UNC13C: variants seen among roughly 807,000 people sequenced by gnomAD.
UNC13C encodes protein unc-13 homolog C.
A neutral mutation model predicts 245.4 loss-of-function variants in UNC13C; 174 were observed. The ratio of observed to expected loss-of-function variants is 0.71; its 90% CI spans 0.63 to 0.80. The LOEUF (loss-of-function observed/expected upper bound fraction) is 0.80. UNC13C is among the 30% of genes least tolerant of loss of function. The pLI, the probability that UNC13C is intolerant of heterozygous loss-of-function variation, is 0.00. For synonymous variants in UNC13C, 992 were observed against 895.1 expected (o/e 1.11, Z -1.93); for missense variants, 2,829 against 2,602.9 (o/e 1.09, Z -1.89).
At chr15:53,937,581 A>T in the UNC13C span, among the ~76,000 whole-genome samples, 5 of 152,162 alleles carry the variant, frequency 3.3e-5, no homozygotes, top group African/African-American at 4.8e-5. Context: ...ACACATAATC[A>T]TCAGGTTCTC....
intron 7 of UNC13C, among the ~76,000 whole-genome samples, chr15:54,242,018 G>A (rs2140845819): frequency 6.6e-6 from 1 of 152,314 alleles, no homozygotes; most frequent in Non-Finnish European, 1.5e-5. Flanking sequence ...CCTAGGGCAA[G>A]TTATGGAAAC....
intron 2 of UNC13C, chr15:54,049,453 A>G: frequency 2.3e-6 from 1 of 435,924 alleles, no homozygotes; most frequent in Non-Finnish European, 4.6e-6. Flanking sequence ...ATAACATTGA[A>G]GAGACATTGA....
intron 7 of UNC13C, 36 bp downstream of exon 7, chr15:54,237,726 A>G (rs1567125041): frequency 1.3e-6 from 2 of 1,485,740 alleles, no homozygotes; most frequent in Admixed American, 1.8e-5. Context: ...ATCTAACTAG[A>G]TATTGCTCAT....
intron 8 of UNC13C, among the ~76,000 whole-genome samples, chr15:54,259,326 C>T (rs760443234): frequency 5.3e-5 from 8 of 152,178 alleles, no homozygotes; most frequent in Non-Finnish European, 1.0e-4. Flanking sequence ...TAAAGACATA[C>T]CCAAGACAGG....
intron 17 of UNC13C, among the ~76,000 whole-genome samples, chr15:54,386,687 G>T (rs2039844542): frequency 6.6e-6 from 1 of 152,142 alleles, no homozygotes; most frequent in South Asian, 2.1e-4. Context: ...ATCAGATATG[G>T]TCTAGACATT....
intron 24 of UNC13C, among the ~76,000 whole-genome samples, chr15:54,523,354 T>C (rs1895309870): frequency 6.6e-6 from 1 of 152,216 alleles, no homozygotes; most frequent in South Asian, 2.1e-4. Flanking sequence ...TCAGATCATG[T>C]AAACGTTAAA....
chr15:54,131,798 T>C (rs1310343846), intron 2 of UNC13C, among the ~76,000 whole-genome samples: 1 of 152,324 alleles, frequency 6.6e-6, no homozygotes, highest in East Asian at 1.9e-4. Flanking sequence ...CTTTCATTTC[T>C]TGCAATTGTT....
chr15:54,127,760 A>ATATTTAAATATTAAATATTTAATT, intron 2 of UNC13C, among the ~76,000 whole-genome samples: 1 of 145,804 alleles, frequency 6.9e-6, no homozygotes. Flanking sequence ...ATATATATTT[A>ATATTTAAATATTAAATATTTAATT]TGTATAATAT....
At chr15:53,947,114 G>A in the UNC13C span, among the ~76,000 whole-genome samples, 1 of 152,090 alleles carries the variant, frequency 6.6e-6, no homozygotes, top group Non-Finnish European at 1.5e-5. Flanking sequence ...TCAAACCTAT[G>A]GTGATGACTT....
intron 4 of UNC13C, among the ~76,000 whole-genome samples, chr15:54,155,464 G>A (rs766177509): frequency 4.6e-5 from 7 of 152,044 alleles, no homozygotes; most frequent in East Asian, 3.9e-4. Context: ...TAAGAGGAGC[G>A]AGTGACTGAG....
At chr15:53,949,759 T>G in the UNC13C span, among the ~76,000 whole-genome samples, 141,267 of 152,194 alleles carry the variant, frequency 0.93, 65,971 homozygotes, top group Middle Eastern at 0.98. Flanking sequence ...CAGACAGAAT[T>G]AATCAGATTT....
At chr15:54,561,160 A>G (rs1048207282) in intron 29 of UNC13C, among the ~76,000 whole-genome samples, 1 of 151,912 alleles carries the variant, frequency 6.6e-6, no homozygotes, top group African/African-American at 2.4e-5. Context: ...CTTTTTCCCT[A>G]TAAGAGCACA....
intron 17 of UNC13C, among the ~76,000 whole-genome samples, chr15:54,344,136 A>T: frequency 6.6e-6 from 1 of 152,198 alleles, no homozygotes; most frequent in East Asian, 1.9e-4. Flanking sequence ...GAAGAGTTTG[A>T]TCAAAGTTTG....
chr15:54,627,392 C>A lies in UNC13C; in HGVS notation c.*279C>A. 1 of 246,240 alleles carries A rather than the reference C, an allele frequency of 4.1e-6. No homozygotes were observed. Among genetic ancestry groups the A allele is most frequent in the African/African-American group, 2.2e-5 (1 of 44,970 alleles). 15.3% of individuals were successfully genotyped at this position (246,240 alleles called of 1,614,324 possible). A position where few individuals can be genotyped will look rare whatever the true frequency, so the allele number is the denominator to read the frequency against. ...CTTTACCCATTTCACATTCATTAAACATAATTTTTAAAAACTAGTCTTTTG... is the reference window on the plus strand; with the variant it reads ...CTTTACCCATTTCACATTCATTAAAAATAATTTTTAAAAACTAGTCTTTTG... On this transcript the variant is annotated 3_prime_UTR_variant, in exon 33 of 33. Transcript: ENST00000260323.
intron 10 of UNC13C, among the ~76,000 whole-genome samples, chr15:54,272,425 G>A (rs2036710724): frequency 1.3e-5 from 2 of 152,256 alleles, no homozygotes; most frequent in South Asian, 4.2e-4. Flanking sequence ...ACATAATCAT[G>A]CATCTGATTT....
intron 19 of UNC13C, among the ~76,000 whole-genome samples, chr15:54,486,907 T>C (rs1893443913): frequency 6.6e-6 from 1 of 152,212 alleles, no homozygotes; most frequent in Non-Finnish European, 1.5e-5. Flanking sequence ...GGAGTGACTC[T>C]TCCTCTAAAC....
At chr15:54,388,575 A>T (rs527949) in intron 17 of UNC13C, among the ~76,000 whole-genome samples, 81,426 of 151,976 alleles carry the variant, frequency 0.54, 22,211 homozygotes, top group Admixed American at 0.58. Flanking sequence ...TCTGCAAGAT[A>T]TTTTTATTAT....
rs56255946 is a variant in UNC13C at position 54,138,953 on chromosome 15, A to ATTTTTTTTTTTTTTTTTTTTTT, written c.2984-4061_2984-4040dup. 1.5e-3 allele frequency among the ~76,000 whole-genome samples: 74 copies of ATTTTTTTTTTTTTTTTTTTTTT among 48,640 alleles called. 21 individuals are homozygous for ATTTTTTTTTTTTTTTTTTTTTT. Among genetic ancestry groups the ATTTTTTTTTTTTTTTTTTTTTT allele is most frequent in the South Asian group, 2.9e-3 (2 of 700 alleles). 31.9% of individuals were successfully genotyped at this position (48,640 alleles called of 152,430 possible). On this transcript the variant is annotated intron_variant, in intron 2 of 32. Coordinates refer to ENST00000260323, the MANE Select transcript of UNC13C (RefSeq NM_001080534.3). ...TGCATATATCTCCAAATTTCCCCTA[A>ATTTTTTTTTTTTTTTTTTTTTT]TTTTTTTTTTTTTTTTTTTTTTTTT...
At chr15:54,294,974 C>A (rs913680648) in intron 11 of UNC13C, among the ~76,000 whole-genome samples, 6 of 152,132 alleles carry the variant, frequency 3.9e-5, no homozygotes, top group Admixed American at 3.9e-4. Flanking sequence ...TAGAATAATT[C>A]AATGAAAGAG....
Sources: allele counts gnomAD v4.1 joint callset (sites outside exome capture counted in the v4.1 genomes callset), GRCh38; gene constraint gnomAD v4.1.1; transcripts MANE v1.5; gene names NCBI Gene and HGNC (gene_info 2026-07-23, HGNC 2026-07-21).